MARCHF2: variants seen among roughly 807,000 people sequenced by gnomAD.
MARCHF2 encodes membrane associated ring-CH-type finger 2, also known as E3 ubiquitin-protein ligase MARCHF2.
MARCHF2 carries 22 observed loss-of-function variants against 24.0 expected under a neutral mutation model. The ratio of observed to expected loss-of-function variants is 0.92; its 90% CI spans 0.66 to 1.31. The LOEUF is 1.31. MARCHF2 is among the 50% of genes most tolerant of loss of function. The probability of loss-of-function intolerance (pLI) is 0.00; values close to 1 mark genes in which losing one functional copy is unlikely to be tolerated. For synonymous variants in MARCHF2, 154 were observed against 153.0 expected (o/e 1.01, Z -0.05); for missense variants, 301 against 335.3 (o/e 0.90, Z 0.80).
intron 4 of MARCHF2, among the ~76,000 whole-genome samples, chr19:8,433,434 T>C (rs1967631804): frequency 6.6e-6 from 1 of 151,540 alleles, no homozygotes; most frequent in African/African-American, 2.4e-5. Context: ...ATTCCAGCAC[T>C]TTGGGAGGCT....
At position 8,430,648 on chromosome 19, in the gene MARCHF2, T is replaced by C. The variant is rs201879278; in HGVS notation, c.373-10T>C. On this transcript the variant is annotated splice_polypyrimidine_tract_variant and intron_variant, in intron 3 of 4. Coordinates refer to ENST00000215555, the MANE Select transcript of MARCHF2 (RefSeq NM_001005415.2). This position sits in a 1 kb window ranked among gnomAD's most constrained non-coding sequence, Gnocchi z 4.4. ...CCCCTCTCCTCTGCCCCCTATCCTC[T>C]CCCCTGCAGTGGCTGAAGGACCCGG... 20 of 1,603,730 alleles carry C rather than the reference T, an allele frequency of 1.2e-5. No individual in the cohort carries two copies. The highest frequency in any genetic ancestry group is 2.2e-5 in the East Asian group (1 of 44,838).
intron 1 of MARCHF2, among the ~76,000 whole-genome samples, chr19:8,414,155 C>T (rs1217418550): frequency 1.3e-5 from 2 of 152,174 alleles, no homozygotes; most frequent in African/African-American, 4.8e-5. Context: ...CCAGGGTTGA[C>T]TGTGTGACCT....
At chr19:8,417,831 C>T (rs1231391173) in intron 1 of MARCHF2, among the ~76,000 whole-genome samples, 15 of 127,688 alleles carry the variant, frequency 1.2e-4, no homozygotes, top group African/African-American at 3.8e-4. Context: ...GGTGCGATCT[C>T]GGCTCACTGC....
intron 2 of MARCHF2, among the ~76,000 whole-genome samples, chr19:8,425,619 ATTT>A (rs199582202): frequency 1.5e-5 from 2 of 136,320 alleles, no homozygotes; most frequent in African/African-American, 5.3e-5. Context: ...GTCCTTGAGG[ATTT>A]TTTTTTTTTT....
At position 8,421,951 on chromosome 19, in the gene MARCHF2, G is replaced by A. The variant is rs756295525; in HGVS notation, c.111G>A (p.Val37=). The change falls in exon 2 of 5, where the codon GTG becomes GTA. Residue 37 remains valine (V), a synonymous_variant. Transcript: ENST00000215555. ...CGGGCCTCGGACCGCCCCAGTATGT[G>A]GCACAGGTGACTTCAAGGGATGGCC... ...EATGLGPPQY[V]AQVTSRDGRL... 1.9e-6 allele frequency: 3 copies of A among 1,613,662 alleles called. No individual in the cohort carries two copies. The highest frequency in any genetic ancestry group is 2.5e-6 in the Non-Finnish European group (3 of 1,179,918).
At chr19:8,419,733 G>A (rs904642415) in intron 1 of MARCHF2, among the ~76,000 whole-genome samples, 43 of 139,048 alleles carry the variant, frequency 3.1e-4, no homozygotes, top group African/African-American at 1.2e-3. Context: ...GGAGAATGGC[G>A]TGAACCCGGG....
At chr19:8,432,469 A>T (rs1228379965) in intron 4 of MARCHF2, among the ~76,000 whole-genome samples, 1 of 152,122 alleles carries the variant, frequency 6.6e-6, no homozygotes, top group Non-Finnish European at 1.5e-5. Flanking sequence ...TAGCAGGGCA[A>T]CTTAGGGAGA....
chr19:8,426,823 G>A lies in MARCHF2; in HGVS notation c.372+19G>A, dbSNP rs200546443. 5 of 1,608,722 alleles carry A rather than the reference G, an allele frequency of 3.1e-6. No homozygotes were observed. In the East Asian group the frequency reaches 1.1e-4, roughly 36 times the overall value. On this transcript the variant is annotated intron_variant, in intron 3 of 4. Transcript: ENST00000215555. ...CACAGAGGTACCCTTAAGAGTCTGA[G>A]ACTGCGGTGGGCAGTGGGGAGAGGG...
At chr19:8,435,786 C>T (rs889004938) in intron 4 of MARCHF2, among the ~76,000 whole-genome samples, 7 of 151,558 alleles carry the variant, frequency 4.6e-5, no homozygotes, top group African/African-American at 1.7e-4. Flanking sequence ...ACCTTGGCTT[C>T]CCAGAGTGCT....
At chr19:8,419,815 C>CAA (rs372543513) in intron 1 of MARCHF2, among the ~76,000 whole-genome samples, 5 of 117,514 alleles carry the variant, frequency 4.3e-5, no homozygotes, top group Admixed American at 2.7e-4. Context: ...GACTCCGTCT[C>CAA]AAAAAAAAAA....
Position 8,430,927 on chromosome 19 carries a change from C to G in MARCHF2, c.582+60C>G. The G allele has an allele frequency of 6.7e-7, 1 of 1,495,912 alleles. No individual in the cohort carries two copies. Among genetic ancestry groups the G allele is most frequent in the Non-Finnish European group, 9.0e-7 (1 of 1,114,960 alleles). The allele number at this position is 1,495,912 out of a possible 1,614,324, so 92.7% of individuals were successfully genotyped here. A position where few individuals can be genotyped will look rare whatever the true frequency, so the allele number is the denominator to read the frequency against. On this transcript the variant is annotated intron_variant, in intron 4 of 4. Coordinates refer to ENST00000215555, the MANE Select transcript of MARCHF2 (RefSeq NM_001005415.2). This position sits in a 1 kb window ranked among gnomAD's most constrained non-coding sequence, Gnocchi z 4.4. ...GCTCTGCCGCTGGGAGCAGCAGGGC[C>G]AAGGATTTGGCCCCTGGCTTGTGGG...
chr19:8,414,512 A>G (rs1380577163), intron 1 of MARCHF2, among the ~76,000 whole-genome samples: 1 of 152,066 alleles, frequency 6.6e-6, no homozygotes, highest in African/African-American at 2.4e-5. Context: ...CAAGTGATCC[A>G]CCTTCCTTGA....
intron 2 of MARCHF2, among the ~76,000 whole-genome samples, chr19:8,424,856 A>T (rs1308109362): frequency 6.6e-6 from 1 of 152,078 alleles, no homozygotes; most frequent in Non-Finnish European, 1.5e-5. Flanking sequence ...GGTGACTCTG[A>T]TGGTATCATA....
At position 8,430,991 on chromosome 19, in the gene MARCHF2, G is replaced by A; in HGVS notation, c.582+124G>A. On this transcript the variant is annotated intron_variant, in intron 4 of 4. Coordinates refer to ENST00000215555, the MANE Select transcript of MARCHF2 (RefSeq NM_001005415.2). This position sits in a 1 kb window ranked among gnomAD's most constrained non-coding sequence, Gnocchi z 4.4. ...TGGCTGCCTCTGTCTATGGCCGTGG[G>A]TGGAAGAGAGCTTCTGAGGTCACCC... The A allele has an allele frequency of 1.1e-6, 1 of 947,624 alleles. No individual in the cohort carries two copies. The highest frequency in any genetic ancestry group is 1.6e-6 in the Non-Finnish European group (1 of 645,134). The allele number at this position is 947,624 out of a possible 1,614,324, so 58.7% of individuals were successfully genotyped here. A position where few individuals can be genotyped will look rare whatever the true frequency, so the allele number is the denominator to read the frequency against.
intron 1 of MARCHF2, among the ~76,000 whole-genome samples, chr19:8,416,691 T>C (rs752897220): frequency 6.6e-6 from 1 of 151,918 alleles, no homozygotes; most frequent in East Asian, 1.9e-4. Context: ...CTCAGCCTCC[T>C]GAGTAGCTGG....
chr19:8,420,535 CAAAA>C (rs767779814), intron 1 of MARCHF2, among the ~76,000 whole-genome samples: 2 of 66,778 alleles, frequency 3.0e-5, no homozygotes, highest in Admixed American at 1.8e-4. Context: ...AACTCTGTCT[CAAAA>C]AAAAAAAAAA....
intron 4 of MARCHF2, among the ~76,000 whole-genome samples, chr19:8,437,642 C>T (rs572430250): frequency 1.4e-4 from 22 of 151,864 alleles, no homozygotes; most frequent in African/African-American, 3.9e-4. Flanking sequence ...TGAGCCACCA[C>T]GCCTGGCCTC....
chr19:8,428,581 C>CGGAGTTTGCAG (rs1967478332), intron 3 of MARCHF2, among the ~76,000 whole-genome samples: 1 of 125,208 alleles, frequency 8.0e-6, no homozygotes, highest in Non-Finnish European at 1.6e-5. Context: ...AGCTGGGAGG[C>CGGAGTTTGCAG]GGAGTTTGCA....
At chr19:8,430,000 CTG>C (rs1967534903) in intron 3 of MARCHF2, among the ~76,000 whole-genome samples, 1 of 151,938 alleles carries the variant, frequency 6.6e-6, no homozygotes, top group Non-Finnish European at 1.5e-5. Context: ...GTTTCCCCAT[CTG>C]TAAAATGGGG....
Sources: allele counts gnomAD v4.1 joint callset (sites outside exome capture counted in the v4.1 genomes callset), GRCh38; gene constraint gnomAD v4.1.1; non-coding constraint Gnocchi (gnomAD v3.1); transcripts MANE v1.5; gene names NCBI Gene and HGNC (gene_info 2026-07-23, HGNC 2026-07-21).